The following MARCHF7 variants were observed in gnomAD, a reference collection of about 807,000 sequenced individuals.
The protein encoded by MARCHF7 is membrane associated ring-CH-type finger 7.
A neutral mutation model predicts 76.5 loss-of-function variants in MARCHF7; 20 were observed. The observed-to-expected ratio is 0.26, with a 90% CI of 0.18 to 0.38. The LOEUF (loss-of-function observed/expected upper bound fraction) is 0.38, where lower values mean the gene tolerates loss of function less well. Ranked by LOEUF, MARCHF7 falls within the 10% of genes least tolerant of loss-of-function variation. MARCHF7 has a pLI of 1.00. For synonymous variants in MARCHF7, 295 were observed against 293.0 expected (o/e 1.01, Z -0.07); for missense variants, 797 against 812.9 (o/e 0.98, Z 0.24).
chr2:159,724,944 T>A (rs1702002039), intron 3 of MARCHF7, among the ~76,000 whole-genome samples: 1 of 152,182 alleles, frequency 6.6e-6, no homozygotes, highest in African/African-American at 2.4e-5. Context: ...TGGTTTTCTG[T>A]CCTTGGCGAT....
intron 4 of MARCHF7, among the ~76,000 whole-genome samples, chr2:159,739,065 C>T (rs1703812705): frequency 6.6e-6 from 1 of 152,192 alleles, no homozygotes; most frequent in Admixed American, 6.5e-5. Context: ...CGTGACAGTG[C>T]CCAAGCTTGG....
At chr2:159,713,721 A>G (rs563975920) in intron 1 of MARCHF7, among the ~76,000 whole-genome samples, 19 of 152,178 alleles carry the variant, frequency 1.2e-4, no homozygotes, top group Admixed American at 3.9e-4. Flanking sequence ...TAACAGCTCT[A>G]CAGCATTTTG....
intron 4 of MARCHF7, among the ~76,000 whole-genome samples, chr2:159,732,587 G>T (rs537681486): frequency 6.6e-6 from 1 of 152,102 alleles, no homozygotes; most frequent in African/African-American, 2.4e-5. Flanking sequence ...ATCATGACTC[G>T]GCGCAGCCAC....
chr2:159,738,655 T>C (rs1703755328), intron 4 of MARCHF7, among the ~76,000 whole-genome samples: 1 of 152,114 alleles, frequency 6.6e-6, no homozygotes, highest in South Asian at 2.1e-4. Flanking sequence ...CAGCCTGACA[T>C]CTGGCTGAGT....
chr2:159,750,248 C>G lies in MARCHF7; in HGVS notation c.1613+1345C>G, dbSNP rs892527238. On this transcript the variant is annotated intron_variant, in intron 7 of 11. Transcript: ENST00000409175. ...TATTTAACAGAGATACCAGTTTAGGCCGGGCGCAGTGGTTCACGCTGTAAT... is the reference window on the plus strand; with the variant it reads ...TATTTAACAGAGATACCAGTTTAGGGCGGGCGCAGTGGTTCACGCTGTAAT... 3.3e-5 allele frequency among the ~76,000 whole-genome samples: 5 copies of G among 152,214 alleles called. No individual in the cohort carries two copies. The East Asian group carries it at 9.6e-4, about 29-fold the overall frequency.
chr2:159,758,657 G>C (rs1706626866), intron 8 of MARCHF7, among the ~76,000 whole-genome samples: 1 of 152,194 alleles, frequency 6.6e-6, no homozygotes, highest in South Asian at 2.1e-4. Flanking sequence ...TCATGTTGCA[G>C]CATATATAAA....
chr2:159,712,834 G>T lies in MARCHF7; in HGVS notation c.-143+228G>T, dbSNP rs72994683. Reference sequence around the variant, plus strand: ...CCGGGGCCAAGGGGCCACAGCGCAGGCCTCCCTTGCCAGGGGCCTTTGGTC... The same window carrying T: ...CCGGGGCCAAGGGGCCACAGCGCAGTCCTCCCTTGCCAGGGGCCTTTGGTC... On this transcript the variant is annotated intron_variant, in intron 1 of 11. Transcript: ENST00000409175. 5.1e-3 allele frequency among the ~76,000 whole-genome samples: 772 copies of T among 152,358 alleles called. 7 individuals carry two copies. The highest frequency in any genetic ancestry group is 0.017 in the African/African-American group (727 of 41,594).
At chr2:159,750,389 G>A (rs975440843) in intron 7 of MARCHF7, among the ~76,000 whole-genome samples, 2 of 152,186 alleles carry the variant, frequency 1.3e-5, no homozygotes, top group African/African-American at 4.8e-5. Context: ...GCTGGGTGTG[G>A]TGGCATGCAC....
chr2:159,761,188 A>G (rs1311013723), intron 9 of MARCHF7, among the ~76,000 whole-genome samples: 1 of 151,002 alleles, frequency 6.6e-6, no homozygotes, highest in Non-Finnish European at 1.5e-5. Flanking sequence ...ACACCAGGCT[A>G]ATTTTTTGAA....
At chr2:159,724,135 CCACTT>C in intron 3 of MARCHF7, among the ~76,000 whole-genome samples, 1 of 152,190 alleles carries the variant, frequency 6.6e-6, no homozygotes, top group Non-Finnish European at 1.5e-5. Context: ...GTTCTGTTCT[CCACTT>C]CAAATGTACT....
chr2:159,740,831 G>T (rs949948708), intron 4 of MARCHF7, among the ~76,000 whole-genome samples: 3 of 152,050 alleles, frequency 2.0e-5, no homozygotes, highest in Non-Finnish European at 4.4e-5. Context: ...TTCTTTTCCA[G>T]TGTTACCATG....
At chr2:159,742,549 A>T (rs900937209) in intron 4 of MARCHF7, among the ~76,000 whole-genome samples, 8 of 65,030 alleles carry the variant, frequency 1.2e-4, no homozygotes, top group South Asian at 6.9e-4. Context: ...AAGTGTTTAT[A>T]AAAAAAAAGG....
At chr2:159,750,327 C>T (rs1026586477) in intron 7 of MARCHF7, among the ~76,000 whole-genome samples, 1 of 152,172 alleles carries the variant, frequency 6.6e-6, no homozygotes. Context: ...GAGATTGAGA[C>T]CATCCTGGCT....
intron 3 of MARCHF7, among the ~76,000 whole-genome samples, chr2:159,716,806 T>G (rs370356432): frequency 3.9e-5 from 6 of 152,034 alleles, no homozygotes; most frequent in African/African-American, 1.5e-4. Flanking sequence ...AAAATCAGAG[T>G]TTTCAGAGAC....
At chr2:159,747,368 TA>T (rs976202369) in intron 6 of MARCHF7, among the ~76,000 whole-genome samples, 2 of 151,466 alleles carry the variant, frequency 1.3e-5, no homozygotes, top group Non-Finnish European at 2.9e-5. Flanking sequence ...TTGCACAGAG[TA>T]AAAAAAAATC....
chr2:159,746,582 G>T (rs898165078), intron 6 of MARCHF7, among the ~76,000 whole-genome samples: 4 of 152,180 alleles, frequency 2.6e-5, no homozygotes, highest in Non-Finnish European at 1.5e-5. Context: ...TGTGTTTTTA[G>T]TAGAGACTGG....
rs140626972 is a variant in MARCHF7 at position 159,745,848 on chromosome 2, A to G, written c.425A>G (p.Glu142Gly). The change falls in exon 6 of 12, where the codon GAG becomes GGG. Residue 142 changes from glutamate to glycine, a missense_variant. This residue lies in a region of MARCHF7 where 643 missense variants were observed against 631.5 expected (regional missense o/e 1.02). Transcript: ENST00000409175. Reference protein sequence around the residue: ...LGSFGTDLMRERRDLERRTDS... With the variant: ...LGSFGTDLMRGRRDLERRTDS... ...TCATTTGGAACAGACTTAATGAGAG[A>G]GAGGAGAGATTTGGAGAGAAGAACA... The G allele has an allele frequency of 2.1e-4, 334 of 1,612,896 alleles. No individual in the cohort carries two copies. Among genetic ancestry groups the G allele is most frequent in the Non-Finnish European group, 2.7e-4 (324 of 1,179,244 alleles).
In MARCHF7 at chr2:159,748,532, C is replaced by G; in HGVS notation, c.1242C>G (p.Thr414=). Residue 414 remains threonine, a synonymous_variant, in exon 7 of 12, where the codon ACC becomes ACG. Coordinates refer to ENST00000409175, the MANE Select transcript of MARCHF7 (RefSeq NM_001282805.2). The part of the protein sequence containing the change: ...EGRDESSRIP[T]SDTSSRSHIF... ...GAGATGAATCTTCAAGGATACCTAC[C>G]TCTGATACATCATCTAGATCTCATA... 4 of 1,614,104 alleles carry G rather than the reference C, an allele frequency of 2.5e-6. No individual in the cohort carries two copies. The highest frequency in any genetic ancestry group is 3.4e-6 in the Non-Finnish European group (4 of 1,180,004).
At chr2:159,733,601 A>C (rs1227110376) in intron 4 of MARCHF7, 3 of 984,998 alleles carry the variant, frequency 3.0e-6, no homozygotes, top group Non-Finnish European at 3.6e-6. Context: ...ACTCTTGGAG[A>C]CATAAAACTT....
Sources: allele counts gnomAD v4.1 joint callset (sites outside exome capture counted in the v4.1 genomes callset), GRCh38; gene constraint gnomAD v4.1.1; regional missense constraint gnomAD v4.1.1; transcripts MANE v1.5; gene names NCBI Gene and HGNC (gene_info 2026-07-23, HGNC 2026-07-21).